The following LINGO2 variants were observed in gnomAD, a reference collection of about 807,000 sequenced individuals.
LINGO2 encodes leucine-rich repeat and immunoglobulin-like domain-containing nogo receptor-interacting protein 2.
LINGO2 carries 14 observed loss-of-function variants against 30.6 expected under a neutral mutation model. The ratio of observed to expected loss-of-function variants is 0.46; its 90% CI spans 0.30 to 0.72. The LOEUF (loss-of-function observed/expected upper bound fraction) is 0.72, where lower values mean the gene tolerates loss of function less well. Ranked by LOEUF, LINGO2 falls within the 30% of genes least tolerant of loss-of-function variation. The probability of loss-of-function intolerance (pLI) is 0.07; values close to 1 mark genes in which losing one functional copy is unlikely to be tolerated. For synonymous variants in LINGO2, 317 were observed against 288.5 expected (o/e 1.10, Z -1.00); for missense variants, 729 against 751.7 (o/e 0.97, Z 0.35).
At chr9:28,976,463 A>AGCC in the LINGO2 span, among the ~76,000 whole-genome samples, 8 of 152,272 alleles carry the variant, frequency 5.3e-5, no homozygotes, top group African/African-American at 1.9e-4. Context: ...TAAGCATATA[A>AGCC]GCCCACCACA....
chr9:28,847,899 G>T, the LINGO2 span, among the ~76,000 whole-genome samples: 2 of 106,556 alleles, frequency 1.9e-5, no homozygotes, highest in African/African-American at 3.7e-5. Flanking sequence ...TATATGTATA[G>T]TATATATATA....
chr9:29,085,276 G>A, the LINGO2 span, among the ~76,000 whole-genome samples: 1 of 36,668 alleles, frequency 2.7e-5, no homozygotes, highest in Admixed American at 3.9e-4. Flanking sequence ...ATAGCCTATG[G>A]TAAGTAAAAA....
At chr9:28,485,063 A>G (rs1370467162) in intron 1 of LINGO2, among the ~76,000 whole-genome samples, 1 of 152,104 alleles carries the variant, frequency 6.6e-6, no homozygotes, top group Non-Finnish European at 1.5e-5. Flanking sequence ...CGTTGACTAA[A>G]TCATCTCTAA....
intron 1 of LINGO2, among the ~76,000 whole-genome samples, chr9:28,504,661 A>G (rs1444185557): frequency 1.3e-5 from 2 of 151,536 alleles, no homozygotes; most frequent in Non-Finnish European, 3.0e-5. Flanking sequence ...ATTTTTATAT[A>G]TGTATTTTAT....
At chr9:28,006,843 A>C (rs1822290521) in intron 5 of LINGO2, among the ~76,000 whole-genome samples, 1 of 152,186 alleles carries the variant, frequency 6.6e-6, no homozygotes, top group Admixed American at 6.5e-5. Flanking sequence ...CCCTAAAACT[A>C]AACAGCAATA....
chr9:27,975,034 C>T (rs2118822976), intron 5 of LINGO2, among the ~76,000 whole-genome samples: 1 of 152,220 alleles, frequency 6.6e-6, no homozygotes, highest in East Asian at 1.9e-4. Context: ...GAAATCTAGA[C>T]TTCTGATTTG....
At chr9:28,002,483 G>A (rs1193154202) in intron 5 of LINGO2, among the ~76,000 whole-genome samples, 1 of 152,028 alleles carries the variant, frequency 6.6e-6, no homozygotes, top group Non-Finnish European at 1.5e-5. Context: ...TTCTATAACT[G>A]TTTTCCATTT....
In LINGO2 at chr9:27,973,954, T is replaced by C. The variant is rs1820474051; in HGVS notation, c.-35-23248A>G. On this transcript the variant is annotated intron_variant, in intron 5 of 5. Transcript: ENST00000379992. ...GAGTCTGTGGGATAGATAAAATATA[T>C]TGATTAACTCCACCCTTTTCTCTTC... is the stretch of plus-strand genomic sequence containing the variant. 2.0e-5 allele frequency among the ~76,000 whole-genome samples: 3 copies of C among 152,248 alleles called. No homozygotes were observed. The Middle Eastern group carries it at 0.01, about 518-fold the overall frequency.
At chr9:28,304,415 C>A (rs1478381565) in intron 3 of LINGO2, among the ~76,000 whole-genome samples, 1 of 151,426 alleles carries the variant, frequency 6.6e-6, no homozygotes, top group Admixed American at 6.6e-5. Flanking sequence ...GTACAATTTA[C>A]AGAGAGTGAA....
At chr9:28,276,562 C>A (rs1164541374) in intron 4 of LINGO2, among the ~76,000 whole-genome samples, 1 of 152,170 alleles carries the variant, frequency 6.6e-6, no homozygotes, top group Non-Finnish European at 1.5e-5. Context: ...TGTCTGCCAC[C>A]ATACTCTTCT....
chr9:28,762,422 T>G, the LINGO2 span, among the ~76,000 whole-genome samples: 22 of 152,164 alleles, frequency 1.4e-4, no homozygotes, highest in African/African-American at 4.6e-4. Flanking sequence ...TGTTTATCTC[T>G]GAATCAAGGA....
chr9:28,494,378 C>G (rs1819505788), intron 1 of LINGO2, among the ~76,000 whole-genome samples: 1 of 152,112 alleles, frequency 6.6e-6, no homozygotes, highest in South Asian at 2.1e-4. Context: ...TCCCCCCACC[C>G]CACTACAGGC....
At chr9:28,697,425 C>A in the LINGO2 span, among the ~76,000 whole-genome samples, 2 of 151,814 alleles carry the variant, frequency 1.3e-5, no homozygotes, top group East Asian at 1.9e-4. Flanking sequence ...TTTTTAAAAA[C>A]CCTTTATAAA....
chr9:29,117,744 A>C, the LINGO2 span, among the ~76,000 whole-genome samples: 8 of 152,236 alleles, frequency 5.3e-5, no homozygotes, highest in African/African-American at 1.9e-4. Flanking sequence ...CAGCGTTGTC[A>C]TCTAATACCG....
At chr9:29,166,891 T>A in the LINGO2 span, among the ~76,000 whole-genome samples, 2 of 152,062 alleles carry the variant, frequency 1.3e-5, no homozygotes, top group African/African-American at 2.4e-5. Flanking sequence ...ATGAAATGGA[T>A]AAAATACTAA....
chr9:28,430,099 C>CGT (rs1564193930), intron 2 of LINGO2, among the ~76,000 whole-genome samples: 193 of 29,024 alleles, frequency 6.6e-3, no homozygotes, highest in Admixed American at 0.033. Flanking sequence ...GATTTCCACG[C>CGT]GCGCGCGCGC....
the LINGO2 span, among the ~76,000 whole-genome samples, chr9:28,908,251 T>C: frequency 6.6e-6 from 1 of 151,726 alleles, no homozygotes; most frequent in Non-Finnish European, 1.5e-5. Context: ...GAATGATATA[T>C]AACTAAGTGT....
intron 4 of LINGO2, among the ~76,000 whole-genome samples, chr9:28,162,133 C>T (rs1250795616): frequency 6.6e-6 from 1 of 151,928 alleles, no homozygotes; most frequent in African/African-American, 2.4e-5. Context: ...AGGCAAATGC[C>T]AGAAACCAGT....
rs1828516839 is a variant in LINGO2 at position 28,659,842 on chromosome 9, C to A, written c.-365+10358G>T. ...AATAAAATAACTGGTAACTTACAAT[C>A]ATATACTTAAAAAAATGGCTTTCAA... On this transcript the variant is annotated intron_variant, in intron 1 of 5. Transcript: ENST00000379992. 1.3e-5 allele frequency among the ~76,000 whole-genome samples: 2 copies of A among 152,024 alleles called. 1 individual carries two copies. The highest frequency in any genetic ancestry group is 2.9e-5 in the Non-Finnish European group (2 of 67,992).
Sources: allele counts gnomAD v4.1 joint callset (sites outside exome capture counted in the v4.1 genomes callset), GRCh38; gene constraint gnomAD v4.1.1; transcripts MANE v1.5; gene names NCBI Gene and HGNC (gene_info 2026-07-23, HGNC 2026-07-21).